The following PTPRD variants were observed in gnomAD, a reference collection of about 807,000 sequenced individuals.
PTPRD encodes receptor-type tyrosine-protein phosphatase delta.
A neutral mutation model predicts 214.5 loss-of-function variants in PTPRD; 34 were observed. The ratio of observed to expected loss-of-function variants is 0.16; its 90% CI spans 0.12 to 0.21. The LOEUF is 0.21. PTPRD is among the 10% of genes least tolerant of loss of function. PTPRD has a pLI of 1.00. For synonymous variants in PTPRD, 1,128 were observed against 845.7 expected (o/e 1.33, Z -5.79); for missense variants, 2,545 against 2,398.7 (o/e 1.06, Z -1.27).
At chr9:9,074,387 G>A (rs1163592760) in intron 10 of PTPRD, among the ~76,000 whole-genome samples, 2 of 151,990 alleles carry the variant, frequency 1.3e-5, no homozygotes, top group Non-Finnish European at 2.9e-5. Flanking sequence ...TCACATATAC[G>A]CAAATTTTGG....
intron 11 of PTPRD, chr9:8,861,050 G>C (rs1394144351): frequency 6.6e-6 from 1 of 151,366 alleles, no homozygotes; most frequent in Admixed American, 6.5e-5. Context: ...CTAACATTCT[G>C]TGATAAATAG....
At chr9:8,929,730 T>C (rs978895724) in intron 11 of PTPRD, among the ~76,000 whole-genome samples, 6 of 112,634 alleles carry the variant, frequency 5.3e-5, no homozygotes, top group African/African-American at 2.5e-4. Context: ...TATATATATA[T>C]GTGTATATAT....
intron 14 of PTPRD, among the ~76,000 whole-genome samples, chr9:8,622,578 T>A (rs747074207): frequency 6.6e-6 from 1 of 151,970 alleles, no homozygotes; most frequent in Non-Finnish European, 1.5e-5. Context: ...AGATTGTAGC[T>A]TCCTTGAAGG....
intron 5 of PTPRD, among the ~76,000 whole-genome samples, chr9:9,783,212 C>T (rs1455258502): frequency 6.6e-6 from 1 of 152,164 alleles, no homozygotes; most frequent in African/African-American, 2.4e-5. Context: ...TTGCTATCCT[C>T]AAATGATTTT....
chr9:9,753,168 T>C (rs1190237756), intron 6 of PTPRD, among the ~76,000 whole-genome samples: 1 of 152,088 alleles, frequency 6.6e-6, no homozygotes, highest in Non-Finnish European at 1.5e-5. Flanking sequence ...GACATTTCCA[T>C]GTGGTCTTTC....
At chr9:8,697,079 A>G (rs1013350514) in intron 12 of PTPRD, among the ~76,000 whole-genome samples, 13 of 152,232 alleles carry the variant, frequency 8.5e-5, no homozygotes, top group African/African-American at 3.1e-4. Flanking sequence ...AATAAGCACA[A>G]GTCTGTTGTC....
At chr9:10,211,307 C>T (rs764474753) in intron 3 of PTPRD, among the ~76,000 whole-genome samples, 3 of 152,136 alleles carry the variant, frequency 2.0e-5, no homozygotes, top group Non-Finnish European at 4.4e-5. Context: ...AATAATGCAT[C>T]TTCAAGGGCA....
intron 30 of PTPRD, among the ~76,000 whole-genome samples, chr9:8,477,688 C>G (rs367858206): frequency 4.6e-5 from 7 of 152,288 alleles, no homozygotes; most frequent in African/African-American, 1.7e-4. Flanking sequence ...ACTAAACACA[C>G]ACTTCTGTGA....
At chr9:10,583,113 G>A (rs961271945) in intron 2 of PTPRD, among the ~76,000 whole-genome samples, 3 of 152,208 alleles carry the variant, frequency 2.0e-5, no homozygotes, top group African/African-American at 7.2e-5. Context: ...GTTGGGTGAT[G>A]CAGCAGTTAG....
intron 11 of PTPRD, among the ~76,000 whole-genome samples, chr9:8,823,205 T>G (rs1486357982): frequency 2.0e-5 from 3 of 152,080 alleles, no homozygotes; most frequent in African/African-American, 7.2e-5. Context: ...CCTTAGAAGT[T>G]TCACCCCCTT....
intron 9 of PTPRD, among the ~76,000 whole-genome samples, chr9:9,226,463 C>T (rs1392187571): frequency 4.0e-5 from 6 of 151,830 alleles, no homozygotes; most frequent in Admixed American, 3.9e-4. Context: ...GATGATAAAA[C>T]TCAGCCCAGG....
chr9:8,622,900 A>T (rs2095865787), intron 14 of PTPRD, among the ~76,000 whole-genome samples: 1 of 151,918 alleles, frequency 6.6e-6, no homozygotes, highest in African/African-American at 2.4e-5. Context: ...TGACTTTGGG[A>T]AAACGAGGTG....
chr9:9,576,112 G>T (rs1248839195), intron 7 of PTPRD, among the ~76,000 whole-genome samples: 1 of 152,016 alleles, frequency 6.6e-6, no homozygotes, highest in Non-Finnish European at 1.5e-5. Context: ...TTAATTGTTG[G>T]TACTGTTTTG....
intron 2 of PTPRD, among the ~76,000 whole-genome samples, chr9:10,605,969 C>T (rs1255786583): frequency 3.3e-5 from 5 of 151,706 alleles, no homozygotes; most frequent in African/African-American, 1.2e-4. Flanking sequence ...GAGGGTGCAA[C>T]CTCTGCAAGT....
intron 39 of PTPRD, among the ~76,000 whole-genome samples, chr9:8,369,150 G>A (rs967457517): frequency 2.0e-5 from 3 of 151,992 alleles, no homozygotes; most frequent in Non-Finnish European, 4.4e-5. Context: ...ACATTTGAAT[G>A]GAACATTAGA....
intron 2 of PTPRD, among the ~76,000 whole-genome samples, chr9:10,520,607 T>G (rs1260421769): frequency 6.6e-6 from 1 of 152,182 alleles, no homozygotes; most frequent in Non-Finnish European, 1.5e-5. Flanking sequence ...CATACCATCT[T>G]AGACCTTCAT....
intron 12 of PTPRD, among the ~76,000 whole-genome samples, chr9:8,655,692 A>AT (rs1413194951): frequency 2.0e-5 from 3 of 151,408 alleles, no homozygotes; most frequent in East Asian, 1.9e-4. Context: ...CAATCTTTCT[A>AT]TTTTTTATAT....
chr9:9,402,519 T>C (rs1387283081), intron 8 of PTPRD, among the ~76,000 whole-genome samples: 11 of 152,070 alleles, frequency 7.2e-5, no homozygotes, highest in Admixed American at 7.2e-4. Context: ...AGAGGACACT[T>C]AGGATTTATA....
chr9:8,819,799 C>T (rs889990780), intron 11 of PTPRD, among the ~76,000 whole-genome samples: 1 of 152,086 alleles, frequency 6.6e-6, no homozygotes, highest in Non-Finnish European at 1.5e-5. Context: ...TGTTGATAGC[C>T]GGAATTAACC....
Sources: gnomAD v4.1 joint callset for allele counts (sites outside exome capture counted in the v4.1 genomes callset) on GRCh38, gnomAD v4.1.1 for gene constraint, MANE v1.5 for transcripts, NCBI Gene and HGNC (gene_info 2026-07-23, HGNC 2026-07-21) for gene names.